RBFOX1: variants seen among roughly 807,000 people sequenced by gnomAD.
The protein encoded by RBFOX1 is RNA binding protein fox-1 homolog 1.
Under a neutral mutation model 57.7 loss-of-function variants are expected in RBFOX1, and 8 were observed. That is an observed-to-expected ratio of 0.14 (90% CI 0.08 to 0.25). RBFOX1 has a LOEUF of 0.25. RBFOX1 is among the 10% of genes least tolerant of loss of function. The pLI is 1.00. For missense variants in RBFOX1, 611 were observed against 548.5 expected (o/e 1.11, Z -1.14); for synonymous variants, 326 against 222.4 (o/e 1.47, Z -4.15).
chr16:6,807,156 C>T (rs2154262963), intron 3 of RBFOX1, among the ~76,000 whole-genome samples: 2 of 151,714 alleles, frequency 1.3e-5, no homozygotes, highest in South Asian at 2.1e-4. Context: ...TTTAATAAAA[C>T]ACTGGTTACA....
intron 4 of RBFOX1, among the ~76,000 whole-genome samples, chr16:7,198,309 T>C (rs1011049097): frequency 2.0e-5 from 3 of 152,210 alleles, no homozygotes; most frequent in African/African-American, 4.8e-5. Flanking sequence ...ATGGCCAATA[T>C]ACCCGGTGGT....
intron 1 of RBFOX1, among the ~76,000 whole-genome samples, chr16:5,393,964 C>A (rs1208209698): frequency 6.6e-6 from 1 of 152,196 alleles, no homozygotes; most frequent in Non-Finnish European, 1.5e-5. Flanking sequence ...TAAGTGGAAT[C>A]ATACCGTATT....
In RBFOX1 at chr16:6,780,071, A is replaced by T. The variant is rs868256853; in HGVS notation, c.-16+125421A>T. Among the ~76,000 whole-genome samples, 16 of 8,114 alleles carry T rather than the reference A, an allele frequency of 2.0e-3. 1 individual carries two copies. Among genetic ancestry groups the T allele is most frequent in the African/African-American group, 3.0e-3 (4 of 1,342 alleles). The allele number at this position is 8,114 out of a possible 152,430, so 5.3% of individuals were successfully genotyped here. ...TACATATTTATATATATTTATATAT[A>T]TTTACATATTTATATATATTTATAT... On this transcript the variant is annotated intron_variant, in intron 3 of 15. Coordinates refer to ENST00000550418, the MANE Select transcript of RBFOX1 (RefSeq NM_018723.4).
At chr16:5,379,840 A>G (rs1188678055) in intron 1 of RBFOX1, among the ~76,000 whole-genome samples, 2 of 152,134 alleles carry the variant, frequency 1.3e-5, no homozygotes, top group African/African-American at 2.4e-5. Context: ...TTTTGATAGT[A>G]CCCAAGTCAT....
At chr16:6,094,774 A>G (rs542231825) in intron 1 of RBFOX1, among the ~76,000 whole-genome samples, 1 of 152,186 alleles carries the variant, frequency 6.6e-6, no homozygotes, top group Non-Finnish European at 1.5e-5. Context: ...AATTATACCT[A>G]TAGGAGGGGC....
chr16:6,644,476 A>C (rs1243817273), intron 2 of RBFOX1, among the ~76,000 whole-genome samples: 1 of 152,136 alleles, frequency 6.6e-6, no homozygotes, highest in African/African-American at 2.4e-5. Context: ...TCATAAGCCG[A>C]TTTGGGCTTG....
chr16:6,958,465 T>G (rs564941086), intron 3 of RBFOX1, among the ~76,000 whole-genome samples: 3 of 152,186 alleles, frequency 2.0e-5, no homozygotes, highest in Non-Finnish European at 4.4e-5. Context: ...TTCCTCGGGA[T>G]AATTTGTGAC....
At chr16:6,588,058 C>A (rs1383387515) in intron 2 of RBFOX1, among the ~76,000 whole-genome samples, 1 of 151,660 alleles carries the variant, frequency 6.6e-6, no homozygotes, top group Non-Finnish European at 1.5e-5. Flanking sequence ...GGTGAAACCG[C>A]TGTCTCTACT....
intron 1 of RBFOX1, among the ~76,000 whole-genome samples, chr16:5,244,026 A>G (rs2062234028): frequency 6.6e-6 from 1 of 152,006 alleles, no homozygotes; most frequent in Non-Finnish European, 1.5e-5. Context: ...CCTCCGGAGT[A>G]GCTGGGATTA....
chr16:6,881,951 A>C (rs1019506059), intron 3 of RBFOX1, among the ~76,000 whole-genome samples: 1 of 152,184 alleles, frequency 6.6e-6, no homozygotes, highest in Non-Finnish European at 1.5e-5. Context: ...ATAGTGTAAA[A>C]AGAAGGGAAC....
At chr16:7,521,213 C>A (rs774959715) in intron 5 of RBFOX1, among the ~76,000 whole-genome samples, 1 of 152,158 alleles carries the variant, frequency 6.6e-6, no homozygotes, top group Admixed American at 6.5e-5. Flanking sequence ...TCTGGGCTCA[C>A]TCAAAGTCCT....
chr16:6,138,147 T>G (rs937525480), intron 1 of RBFOX1, among the ~76,000 whole-genome samples: 1 of 152,238 alleles, frequency 6.6e-6, no homozygotes, highest in African/African-American at 2.4e-5. Flanking sequence ...TCGTTAATAT[T>G]GATATTAAAT....
At chr16:7,054,799 T>G (rs1400100268) in intron 4 of RBFOX1, among the ~76,000 whole-genome samples, 1 of 152,102 alleles carries the variant, frequency 6.6e-6, no homozygotes, top group East Asian at 1.9e-4. Flanking sequence ...ACTGTGGCCG[T>G]GTTATCATGT....
chr16:7,710,860 AC>A lies in RBFOX1; in HGVS notation c.*116del. The A allele has an allele frequency of 3.9e-6, 4 of 1,026,844 alleles. No homozygotes were observed. Among genetic ancestry groups the A allele is most frequent in the Non-Finnish European group, 5.1e-6 (4 of 780,918 alleles). The allele number at this position is 1,026,844 out of a possible 1,614,324, so 63.6% of individuals were successfully genotyped here. A position where few individuals can be genotyped will look rare whatever the true frequency, so the allele number is the denominator to read the frequency against. ...TAGCAACTCTAAAAAAAAAAAAAATACAAATAAAAAGGAAAAAAAATTACAT... is the reference window on the plus strand; with the variant it reads ...TAGCAACTCTAAAAAAAAAAAAAATAAAATAAAAAGGAAAAAAAATTACAT... On this transcript the variant is annotated 3_prime_UTR_variant, in exon 16 of 16. Transcript: ENST00000550418.
chr16:7,185,589 C>G (rs1046753601), intron 4 of RBFOX1, among the ~76,000 whole-genome samples: 1 of 152,198 alleles, frequency 6.6e-6, no homozygotes, highest in African/African-American at 2.4e-5. Flanking sequence ...AACCCTGCCA[C>G]TTTTATTACA....
chr16:5,270,581 C>T (rs1356063747), intron 1 of RBFOX1: 18 of 587,706 alleles, frequency 3.1e-5, no homozygotes, highest in East Asian at 7.1e-5. Context: ...CTTCTTTCAT[C>T]TGTTTTGTGT....
intron 1 of RBFOX1, among the ~76,000 whole-genome samples, chr16:5,265,762 C>G (rs1298981393): frequency 3.9e-5 from 6 of 152,128 alleles, no homozygotes; most frequent in African/African-American, 1.4e-4. Context: ...AAATAGGTAC[C>G]TCTCTGGAGT....
At chr16:7,301,277 A>T (rs1048996715) in intron 4 of RBFOX1, among the ~76,000 whole-genome samples, 1 of 152,184 alleles carries the variant, frequency 6.6e-6, no homozygotes, top group African/African-American at 2.4e-5. Context: ...TGCAGTGTTT[A>T]TGGGAAGGGG....
chr16:6,106,472 TA>T lies in RBFOX1; in HGVS notation c.-127+86493del, dbSNP rs113891633. Among the ~76,000 whole-genome samples the T allele has an allele frequency of 5.9e-4, 77 of 131,424 alleles. 1 individual carries two copies. Among genetic ancestry groups the T allele is most frequent in the East Asian group, 4.9e-3 (21 of 4,248 alleles). 86.2% of individuals were successfully genotyped at this position (131,424 alleles called of 152,430 possible). On this transcript the variant is annotated intron_variant, in intron 1 of 15. Transcript: ENST00000550418. ...AAAGAGTGAGTATCTGTCTCAAAAATAAAAAAAAAAAAAGGTAGTTCCATGC... is the reference window on the plus strand; with the variant it reads ...AAAGAGTGAGTATCTGTCTCAAAAATAAAAAAAAAAAAGGTAGTTCCATGC...
Sources: gnomAD v4.1 joint callset for allele counts (sites outside exome capture counted in the v4.1 genomes callset) on GRCh38, gnomAD v4.1.1 for gene constraint, MANE v1.5 for transcripts, NCBI Gene and HGNC (gene_info 2026-07-23, HGNC 2026-07-21) for gene names.